REDIC1: variants seen among roughly 807,000 people sequenced by gnomAD.
REDIC1 encodes the protein regulator of DNA class I crossover intermediates 1, also known as HEI10 Interacting Protein 1.
the REDIC1 span, among the ~76,000 whole-genome samples, chr12:39,864,282 C>G: frequency 6.6e-6 from 1 of 152,174 alleles, no homozygotes; most frequent in African/African-American, 2.4e-5. Flanking sequence ...TCTGAAAGAG[C>G]CTCAGTACTG....
the REDIC1 span, among the ~76,000 whole-genome samples, chr12:39,821,081 C>T: frequency 6.6e-6 from 1 of 152,016 alleles, no homozygotes; most frequent in Non-Finnish European, 1.5e-5. Context: ...CTGCCCTGTA[C>T]TATTATTTGT....
At chr12:39,708,751 A>T in the REDIC1 span, among the ~76,000 whole-genome samples, 1 of 151,844 alleles carries the variant, frequency 6.6e-6, no homozygotes, top group Non-Finnish European at 1.5e-5. Context: ...TCATGTGCCA[A>T]TACCATACCG....
chr12:39,713,757 A>G, the REDIC1 span, among the ~76,000 whole-genome samples: 6 of 149,454 alleles, frequency 4.0e-5, no homozygotes. Flanking sequence ...ATACATGTAT[A>G]CACGTATATA....
the REDIC1 span, among the ~76,000 whole-genome samples, chr12:39,693,690 A>G: frequency 6.6e-6 from 1 of 152,154 alleles, no homozygotes; most frequent in Non-Finnish European, 1.5e-5. Flanking sequence ...TTTTCAGTCA[A>G]TGCCCTATTG....
chr12:39,766,290 C>T, the REDIC1 span, among the ~76,000 whole-genome samples: 471 of 152,210 alleles, frequency 3.1e-3, 5 homozygotes, highest in African/African-American at 0.011. Flanking sequence ...TAAAGTGGGT[C>T]ACACGGATTT....
At chr12:39,664,344 C>G in the REDIC1 span, among the ~76,000 whole-genome samples, 4 of 151,098 alleles carry the variant, frequency 2.6e-5, no homozygotes, top group Admixed American at 2.6e-4. Context: ...ATTGTCCTTG[C>G]GCTAGTTTGC....
At chr12:39,832,918 T>C in the REDIC1 span, among the ~76,000 whole-genome samples, 2 of 152,000 alleles carry the variant, frequency 1.3e-5, no homozygotes, top group Non-Finnish European at 2.9e-5. Flanking sequence ...AGCAGATGAG[T>C]AGCTCTTCTA....
the REDIC1 span, among the ~76,000 whole-genome samples, chr12:39,837,535 C>T: frequency 7.0e-5 from 10 of 142,468 alleles, no homozygotes; most frequent in East Asian, 1.0e-3. Flanking sequence ...AAAGAAACTA[C>T]CATCAGAGTG....
chr12:39,700,600 T>A, the REDIC1 span, among the ~76,000 whole-genome samples: 1 of 151,602 alleles, frequency 6.6e-6, no homozygotes, highest in African/African-American at 2.4e-5. Context: ...CAAAAGATAC[T>A]CCTCAAGAAG....
At chr12:39,869,825 C>CT in the REDIC1 span, among the ~76,000 whole-genome samples, 1 of 152,334 alleles carries the variant, frequency 6.6e-6, no homozygotes, top group South Asian at 2.1e-4. Context: ...AAGGCTCACT[C>CT]TTTGGTAACA....
At chr12:39,764,629 T>C in the REDIC1 span, 4 of 1,580,862 alleles carry the variant, frequency 2.5e-6, no homozygotes, top group Admixed American at 3.9e-5. Flanking sequence ...AATAAAACAT[T>C]AAAAACTTTA....
At chr12:39,896,017 T>C in the REDIC1 span, among the ~76,000 whole-genome samples, 1 of 144,976 alleles carries the variant, frequency 6.9e-6, no homozygotes, top group African/African-American at 2.6e-5. Context: ...CATGTGTATA[T>C]GTATACATAC....
chr12:39,883,960 C>T, the REDIC1 span, among the ~76,000 whole-genome samples: 1 of 152,150 alleles, frequency 6.6e-6, no homozygotes, highest in Non-Finnish European at 1.5e-5. Flanking sequence ...CAGACTATCT[C>T]CTGGTGGTGA....
the REDIC1 span, among the ~76,000 whole-genome samples, chr12:39,748,677 C>G: frequency 2.0e-5 from 3 of 152,206 alleles, no homozygotes; most frequent in Non-Finnish European, 4.4e-5. Flanking sequence ...AAGTAAAGCA[C>G]TCCTCAGCAA....
the REDIC1 span, among the ~76,000 whole-genome samples, chr12:39,812,473 C>T: frequency 6.7e-6 from 1 of 149,894 alleles, no homozygotes; most frequent in African/African-American, 2.5e-5. Context: ...CTTTCTTTCT[C>T]CCCTTCTCTC....
At chr12:39,707,878 G>A in the REDIC1 span, among the ~76,000 whole-genome samples, 4,963 of 151,784 alleles carry the variant, frequency 0.033, 127 homozygotes, top group East Asian at 0.071. Context: ...TGGAACTGGA[G>A]GTTATGTTAA....
chr12:39,899,867 C>A, the REDIC1 span, among the ~76,000 whole-genome samples: 1 of 152,026 alleles, frequency 6.6e-6, no homozygotes, highest in African/African-American at 2.4e-5. Flanking sequence ...AATTTCTGTT[C>A]TTTTACATTT....
chr12:39,780,847 T>A, the REDIC1 span, among the ~76,000 whole-genome samples: 14 of 152,150 alleles, frequency 9.2e-5, no homozygotes, highest in East Asian at 7.7e-4. Context: ...AAGAAATTTT[T>A]TAAAAAAACT....
chr12:39,713,840 TA>T, the REDIC1 span, among the ~76,000 whole-genome samples: 7 of 126,206 alleles, frequency 5.5e-5, no homozygotes, highest in South Asian at 2.3e-4. Context: ...TATATACACG[TA>T]TATATATGCA....
Sources: gnomAD v4.1 joint callset for allele counts (sites outside exome capture counted in the v4.1 genomes callset) on GRCh38, gnomAD v4.1.1 for gene constraint, MANE v1.5 for transcripts, NCBI Gene and HGNC (gene_info 2026-07-23, HGNC 2026-07-21) for gene names.